The following AGAP5 variants were observed in gnomAD, a reference collection of about 807,000 sequenced individuals.
AGAP5 encodes the protein arf-GAP with GTPase, ANK repeat and PH domain-containing protein 5.
Under a neutral mutation model 27.7 loss-of-function variants are expected in AGAP5, and 8 were observed. The ratio of observed to expected loss-of-function variants is 0.29; its 90% CI spans 0.17 to 0.52. The LOEUF is 0.52. AGAP5 is among the 20% of genes least tolerant of loss of function. AGAP5 has a pLI of 0.97. For synonymous variants in AGAP5, 111 were observed against 338.0 expected (o/e 0.33, Z 7.37); for missense variants, 285 against 880.8 (o/e 0.32, Z 8.56).
At chr10:73,682,106 T>G (rs2082029004) in intron 5 of AGAP5, 1 of 984,950 alleles carries the variant, frequency 1.0e-6, no homozygotes, top group Non-Finnish European at 1.2e-6. Context: ...CTTTCCAAAC[T>G]GTGTTCTAAA....
chr10:73,693,382 T>TTC (rs1336625887), intron 3 of AGAP5, among the ~76,000 whole-genome samples: 1 of 152,074 alleles, frequency 6.6e-6, no homozygotes, highest in Non-Finnish European at 1.5e-5. Context: ...AAAAAGCAAA[T>TTC]TCTTATTATG....
At chr10:73,689,520 C>T (rs1222089918) in intron 4 of AGAP5, among the ~76,000 whole-genome samples, 1 of 150,108 alleles carries the variant, frequency 6.7e-6, no homozygotes, top group East Asian at 2.0e-4. Context: ...TCTGCCCGGC[C>T]GCCATCCCAA....
intron 4 of AGAP5, among the ~76,000 whole-genome samples, chr10:73,685,314 G>T (rs1359415870): frequency 1.1e-4 from 16 of 144,074 alleles, no homozygotes; most frequent in Non-Finnish European, 2.3e-4. Flanking sequence ...TTGGTTGTGG[G>T]TTTGTCATAG....
chr10:73,689,544 A>C (rs2082096315), intron 4 of AGAP5, among the ~76,000 whole-genome samples: 1 of 148,096 alleles, frequency 6.8e-6, no homozygotes, highest in Non-Finnish European at 1.5e-5. Context: ...GGAAGTGAGG[A>C]GCGCCTCTTC....
At chr10:73,677,245 T>C (rs2081987248) in intron 6 of AGAP5, among the ~76,000 whole-genome samples, 1 of 151,814 alleles carries the variant, frequency 6.6e-6, no homozygotes, top group Admixed American at 6.6e-5. Context: ...GGCCAGTCTT[T>C]GAGGAACTTT....
At chr10:73,695,178 C>G (rs2082150650) in intron 2 of AGAP5, among the ~76,000 whole-genome samples, 1 of 151,998 alleles carries the variant, frequency 6.6e-6, no homozygotes, top group Admixed American at 6.5e-5. Flanking sequence ...AAAGACAGGT[C>G]TATTTTACAG....
intron 2 of AGAP5, among the ~76,000 whole-genome samples, chr10:73,695,674 C>T (rs1434416540): frequency 1.3e-5 from 2 of 152,174 alleles, no homozygotes; most frequent in African/African-American, 4.8e-5. Flanking sequence ...AAGTCACACT[C>T]ATAATGAGTC....
At chr10:73,690,989 G>A (rs1159482026) in intron 4 of AGAP5, among the ~76,000 whole-genome samples, 2 of 152,302 alleles carry the variant, frequency 1.3e-5, no homozygotes, top group South Asian at 2.1e-4. Context: ...TCTTTGAAAG[G>A]CATGTGATAA....
rs2081959263 is a variant in AGAP5 at position 73,674,553 on chromosome 10, C to T, written c.*46G>A. 1 of 1,572,062 alleles carries T rather than the reference C, an allele frequency of 6.4e-7. No individual in the cohort carries two copies. Among genetic ancestry groups the T allele is most frequent in the African/African-American group, 1.4e-5 (1 of 73,698 alleles). The stretch of plus-strand genomic sequence containing the variant: ...AATTCTGAGTTATCCTTATTTTTCC[C>T]ATTTTGTTTTTGCACCAAGGAGACT... On this transcript the variant is annotated 3_prime_UTR_variant, in exon 8 of 8. Coordinates refer to ENST00000374094, the MANE Select transcript of AGAP5 (RefSeq NM_001144000.4).
At position 73,675,844 on chromosome 10, in the gene AGAP5, A is replaced by G. The variant is rs1382860343; in HGVS notation, c.816T>C (p.His272=). Residue 272 remains histidine (H), a synonymous_variant, in exon 8 of 8, where the codon CAT becomes CAC. Coordinates refer to ENST00000374094, the MANE Select transcript of AGAP5 (RefSeq NM_001144000.4). ...CTCTGCCGCTCCCGATGGTGTCAGC[A>G]TGATTCTCCGGGGCTTTCCTCTCTT... The part of the protein sequence containing the change: ...PDKERKAPEN[H]ADTIGSGRAI... 1.9e-6 allele frequency: 3 copies of G among 1,613,814 alleles called. No individual in the cohort carries two copies. The highest frequency in any genetic ancestry group is 1.7e-4 in the Middle Eastern group (1 of 6,058).
chr10:73,695,065 C>G (rs1193886358), intron 2 of AGAP5, among the ~76,000 whole-genome samples: 1 of 150,668 alleles, frequency 6.6e-6, no homozygotes, highest in Non-Finnish European at 1.5e-5. Context: ...CAATGACACC[C>G]TCCTTTATTT....
intron 4 of AGAP5, among the ~76,000 whole-genome samples, chr10:73,687,273 G>A (rs1196361868): frequency 2.0e-5 from 3 of 151,726 alleles, no homozygotes; most frequent in East Asian, 1.9e-4. Flanking sequence ...TCCTTTTTCC[G>A]AGACAGGGTC....
In AGAP5 at chr10:73,675,360, A is replaced by C. The variant is rs773206989; in HGVS notation, c.1300T>G (p.Trp434Gly). 3.1e-6 allele frequency: 5 copies of C among 1,613,976 alleles called. No individual in the cohort carries two copies. The highest frequency in any genetic ancestry group is 4.2e-6 in the Non-Finnish European group (5 of 1,180,024). Residue 434 changes from tryptophan to glycine, a missense_variant, in exon 8 of 8, where the codon TGG (tryptophan) becomes GGG (glycine). Transcript: ENST00000374094. ...EATTYEERDA[W>G]VQAIQSQILA... is the part of the protein sequence containing the mutation. ...ATCTGGCTCTGGATGGCTTGGACCC[A>C]GGCATCCCGCTCCTCATACGTCGTG... is the stretch of plus-strand genomic sequence containing the variant.
intron 2 of AGAP5, among the ~76,000 whole-genome samples, chr10:73,696,112 A>G (rs1382618761): frequency 6.6e-6 from 1 of 152,050 alleles, no homozygotes; most frequent in African/African-American, 2.4e-5. Context: ...TCCCAGGTCC[A>G]GGCAATTCTC....
chr10:73,677,635 C>G (rs1402981833), intron 6 of AGAP5, among the ~76,000 whole-genome samples: 2 of 151,974 alleles, frequency 1.3e-5, no homozygotes, highest in African/African-American at 4.8e-5. Context: ...ATCCACTTGC[C>G]TCGGCCTCCA....
intron 6 of AGAP5, among the ~76,000 whole-genome samples, chr10:73,679,320 GC>G (rs1448096242): frequency 1.3e-5 from 2 of 151,956 alleles, no homozygotes; most frequent in African/African-American, 4.8e-5. Flanking sequence ...GTGCCACCAT[GC>G]CCAGCTAAGT....
rs202118102 is a variant in AGAP5, at chr10:73,675,854, G to A, written c.806C>T (p.Pro269Leu). Residue 269 changes from proline to leucine, a missense_variant, in exon 8 of 8, where the codon CCG (proline) becomes CTG (leucine). Pro to Leu is a moderately conservative substitution (Grantham distance 98, BLOSUM62 -3). Transcript: ENST00000374094. The part of the protein sequence containing the change: ...GSHPDKERKA[P>L]ENHADTIGSG... The stretch of plus-strand genomic sequence containing the variant: ...CCCGATGGTGTCAGCATGATTCTCC[G>A]GGGCTTTCCTCTCTTTGTCTGGGTG... 464 of 1,613,844 alleles carry A rather than the reference G, an allele frequency of 2.9e-4. 3 individuals are homozygous for A. The East Asian group carries it at 8.1e-3, about 28-fold the overall frequency.
At chr10:73,692,887 C>T (rs574392719) in intron 3 of AGAP5, among the ~76,000 whole-genome samples, 2 of 152,116 alleles carry the variant, frequency 1.3e-5, no homozygotes, top group African/African-American at 4.8e-5. Context: ...CCTCGTGATC[C>T]ACCCACCTCA....
At position 73,697,529 on chromosome 10, in the gene AGAP5, T is replaced by A; in HGVS notation, c.223+4A>T. 1 of 1,612,540 alleles carries A rather than the reference T, an allele frequency of 6.2e-7. No individual in the cohort carries two copies. Among genetic ancestry groups the A allele is most frequent in the Non-Finnish European group, 8.5e-7 (1 of 1,179,954 alleles). The stretch of plus-strand genomic sequence containing the variant: ...AGGGTAGATGGCACCTATCACCTCC[T>A]TACCTTCAGGCATCTCCTGGTCACG... On this transcript the variant is annotated splice_donor_region_variant and intron_variant, in intron 1 of 7. Transcript: ENST00000374094.
Sources: allele counts gnomAD v4.1 joint callset (sites outside exome capture counted in the v4.1 genomes callset), GRCh38; gene constraint gnomAD v4.1.1; transcripts MANE v1.5; gene names NCBI Gene and HGNC (gene_info 2026-07-23, HGNC 2026-07-21).